Variants in RPS6KA5 observed in about 807,000 individuals in gnomAD.
RPS6KA5 encodes ribosomal protein S6 kinase alpha-5.
Under a neutral mutation model 85.5 loss-of-function variants are expected in RPS6KA5, and 27 were observed. The ratio of observed to expected loss-of-function variants is 0.32; its 90% CI spans 0.23 to 0.44. The LOEUF is 0.44. Among genes scored for constraint, RPS6KA5 ranks in the 20% least tolerant of loss-of-function variants. The pLI is 1.00. For synonymous variants in RPS6KA5, 334 were observed against 348.2 expected (o/e 0.96, Z 0.46); for missense variants, 811 against 980.9 (o/e 0.83, Z 2.31).
At chr14:90,911,331 C>T (rs2035807054) in intron 7 of RPS6KA5, 1 of 152,250 alleles carries the variant, frequency 6.6e-6, no homozygotes, top group South Asian at 2.1e-4. Context: ...CTTTCTTCCT[C>T]ACAGTTTCAG....
intron 1 of RPS6KA5, among the ~76,000 whole-genome samples, chr14:91,057,368 T>C (rs760992977): frequency 6.6e-6 from 1 of 152,188 alleles, no homozygotes; most frequent in Admixed American, 6.5e-5. Context: ...TGGATTCTCA[T>C]GCATTCAGTG....
rs955644898 is a variant in RPS6KA5, at chr14:90,851,441, T to A, written c.*20633A>T. 2 of 152,218 alleles carry A rather than the reference T, an allele frequency of 1.3e-5. No homozygotes were observed. The highest frequency in any genetic ancestry group is 2.4e-5 in the African/African-American group (1 of 41,456). The allele number at this position is 152,218 out of a possible 1,614,324, so 9.4% of individuals were successfully genotyped here. A position where few individuals can be genotyped will look rare whatever the true frequency, so the allele number is the denominator to read the frequency against. Reference sequence around the variant, plus strand: ...AATCAGTGTACCTTATGGATTTTTTTAATCCTCTTTAATCGATCCCTCAGT... The same window carrying A: ...AATCAGTGTACCTTATGGATTTTTTAAATCCTCTTTAATCGATCCCTCAGT... On this transcript the variant is annotated 3_prime_UTR_variant, in exon 17 of 17. Transcript: ENST00000614987.
chr14:90,899,184 G>T (rs1422077072), intron 12 of RPS6KA5, 145 bp downstream of exon 12: 2 of 607,758 alleles, frequency 3.3e-6, no homozygotes. Flanking sequence ...GGGTTTGAGA[G>T]GGTGGTTTCA....
rs1194432481 is a variant in RPS6KA5, at chr14:90,852,675, G to A, written c.*19399C>T. 1.4e-5 allele frequency: 2 copies of A among 147,114 alleles called. No individual in the cohort carries two copies. The highest frequency in any genetic ancestry group is 4.9e-5 in the African/African-American group (2 of 40,462). 9.1% of individuals were successfully genotyped at this position (147,114 alleles called of 1,614,324 possible). On this transcript the variant is annotated 3_prime_UTR_variant, in exon 17 of 17. Transcript: ENST00000614987. ...AACTTTTATTTTATCCACATTAAAA[G>A]TATTTGTCTTTAAACAAAAATAAAT...
intron 1 of RPS6KA5, among the ~76,000 whole-genome samples, chr14:91,041,965 A>G (rs1206709644): frequency 7.2e-5 from 11 of 152,258 alleles, no homozygotes; most frequent in African/African-American, 9.6e-5. Context: ...ACATGTACCA[A>G]ATAAATTTAA....
chr14:90,977,072 C>T (rs2039600191), intron 3 of RPS6KA5, among the ~76,000 whole-genome samples: 1 of 152,102 alleles, frequency 6.6e-6, no homozygotes, highest in African/African-American at 2.4e-5. Context: ...CATACAGCTT[C>T]CAGAATGTGG....
chr14:91,030,512 A>G (rs1435356837), intron 1 of RPS6KA5, among the ~76,000 whole-genome samples: 1 of 148,780 alleles, frequency 6.7e-6, no homozygotes, highest in African/African-American at 2.5e-5. Flanking sequence ...AGCAAGACAG[A>G]GTTTCTAACC....
intron 14 of RPS6KA5, among the ~76,000 whole-genome samples, chr14:90,880,505 T>C (rs2033765785): frequency 6.6e-6 from 1 of 152,262 alleles, no homozygotes; most frequent in Non-Finnish European, 1.5e-5. Context: ...CAGCACATTT[T>C]GCTTGTCTAT....
chr14:90,991,221 A>T (rs370631838), intron 2 of RPS6KA5, among the ~76,000 whole-genome samples: 22 of 152,244 alleles, frequency 1.4e-4, no homozygotes, highest in African/African-American at 4.6e-4. Context: ...TACGTATAAC[A>T]GCATATGATA....
chr14:90,925,574 T>C (rs2036613677), intron 5 of RPS6KA5, among the ~76,000 whole-genome samples: 1 of 152,070 alleles, frequency 6.6e-6, no homozygotes, highest in Non-Finnish European at 1.5e-5. Context: ...TCTCACAACT[T>C]AGCCTGCCCA....
At chr14:91,037,847 G>GACCT (rs1345395274) in intron 1 of RPS6KA5, among the ~76,000 whole-genome samples, 1 of 152,150 alleles carries the variant, frequency 6.6e-6, no homozygotes, top group African/African-American at 2.4e-5. Flanking sequence ...CTCCAGGCAA[G>GACCT]ACCTGCAAGA....
chr14:91,052,833 C>CAAA (rs200161761), intron 1 of RPS6KA5, among the ~76,000 whole-genome samples: 11 of 120,248 alleles, frequency 9.1e-5, no homozygotes, highest in African/African-American at 2.9e-4. Flanking sequence ...ACTCCATCTC[C>CAAA]AAAAAAAAAA....
intron 14 of RPS6KA5, 38 bp from the exon 15 acceptor site, chr14:90,875,398 A>C (rs546253892): frequency 2.9e-5 from 46 of 1,584,626 alleles, no homozygotes; most frequent in South Asian, 2.5e-4. Context: ...ATGACTACCC[A>C]GATCTGTTAA....
At chr14:91,008,690 T>C (rs1465523956) in intron 1 of RPS6KA5, among the ~76,000 whole-genome samples, 2 of 152,210 alleles carry the variant, frequency 1.3e-5, no homozygotes, top group African/African-American at 4.8e-5. Flanking sequence ...CTAGCTATAA[T>C]GAATTTATGT....
chr14:90,920,975 G>A (rs552283353), intron 6 of RPS6KA5, among the ~76,000 whole-genome samples: 1 of 152,102 alleles, frequency 6.6e-6, no homozygotes, highest in Non-Finnish European at 1.5e-5. Context: ...CAAGCAATCT[G>A]CCCACCTCAG....
At chr14:90,886,339 G>A (rs2034225409) in intron 14 of RPS6KA5, among the ~76,000 whole-genome samples, 1 of 152,146 alleles carries the variant, frequency 6.6e-6, no homozygotes, top group Non-Finnish European at 1.5e-5. Context: ...ACACTTCACA[G>A]GTATGTTATA....
At chr14:90,894,328 C>A (rs1214431596) in intron 13 of RPS6KA5, 85 bp downstream of exon 13, 4 of 1,398,624 alleles carry the variant, frequency 2.9e-6, no homozygotes, top group East Asian at 5.1e-5. Context: ...AATAAGGAAA[C>A]CTCCCCAGAA....
At chr14:91,028,607 C>T (rs1057483213) in intron 1 of RPS6KA5, among the ~76,000 whole-genome samples, 1 of 151,970 alleles carries the variant, frequency 6.6e-6, no homozygotes, top group African/African-American at 2.4e-5. Flanking sequence ...TAAGCTCTGC[C>T]TCCCAGGTTC....
chr14:90,983,386 G>A (rs1414901524), intron 2 of RPS6KA5, among the ~76,000 whole-genome samples: 1 of 151,916 alleles, frequency 6.6e-6, no homozygotes, highest in African/African-American at 2.4e-5. Flanking sequence ...AATCACTTGA[G>A]CCCAGGAGTT....
Sources: gnomAD v4.1 joint callset for allele counts (sites outside exome capture counted in the v4.1 genomes callset) on GRCh38, gnomAD v4.1.1 for gene constraint, MANE v1.5 for transcripts, NCBI Gene and HGNC (gene_info 2026-07-23, HGNC 2026-07-21) for gene names.